Variants in LYRM4 observed in about 807,000 individuals in gnomAD.
LYRM4 encodes LYR motif containing 4.
In LYRM4, 9 loss-of-function variants were observed where a neutral mutation model predicts 11.7. The ratio of observed to expected loss-of-function variants is 0.77; its 90% CI spans 0.46 to 1.34. The LOEUF (loss-of-function observed/expected upper bound fraction) is 1.34, where lower values mean the gene tolerates loss of function less well. LYRM4 is among the 40% of genes most tolerant of loss of function. The pLI is 0.00. For missense variants in LYRM4, 133 were observed against 112.5 expected (o/e 1.18, Z -0.82); for synonymous variants, 42 against 40.4 (o/e 1.04, Z -0.15).
intron 2 of LYRM4, chr6:5,144,269 T>C: frequency 6.5e-7 from 1 of 1,537,008 alleles, no homozygotes; most frequent in Non-Finnish European, 8.7e-7. Context: ...CTACCTGCAC[T>C]GAGATACAGG....
At chr6:5,204,978 A>G (rs565428493) in intron 2 of LYRM4, among the ~76,000 whole-genome samples, 1 of 152,224 alleles carries the variant, frequency 6.6e-6, no homozygotes, top group African/African-American at 2.4e-5. Flanking sequence ...TTTCAGCGGA[A>G]CTCCCTACGT....
At chr6:5,188,096 C>A (rs1304050954) in intron 2 of LYRM4, among the ~76,000 whole-genome samples, 1 of 152,210 alleles carries the variant, frequency 6.6e-6, no homozygotes, top group Admixed American at 6.5e-5. Flanking sequence ...CACCTGTAAT[C>A]CCAACACTTT....
At chr6:5,133,778 A>C (rs1157031150) in intron 2 of LYRM4, among the ~76,000 whole-genome samples, 2 of 152,146 alleles carry the variant, frequency 1.3e-5, no homozygotes, top group Non-Finnish European at 2.9e-5. Context: ...CTGTTTTCTT[A>C]TTTTCCCAGC....
At chr6:5,044,111 G>A in the LYRM4 span, among the ~76,000 whole-genome samples, 1 of 78,576 alleles carries the variant, frequency 1.3e-5, no homozygotes, top group East Asian at 1.6e-3. Flanking sequence ...ACTTTTTTTT[G>A]TGGGGTTTTT....
the LYRM4 span, chr6:5,086,647 C>G: frequency 1.7e-6 from 2 of 1,166,754 alleles, no homozygotes; most frequent in South Asian, 3.2e-5. Flanking sequence ...TGCTGGGACG[C>G]TTTGCTGAGC....
chr6:5,091,089 G>T, the LYRM4 span, among the ~76,000 whole-genome samples: 4 of 152,202 alleles, frequency 2.6e-5, no homozygotes, highest in African/African-American at 9.7e-5. Context: ...GCTGTGACTT[G>T]TGGAAACTCA....
chr6:5,039,125 T>C, the LYRM4 span, among the ~76,000 whole-genome samples: 8 of 152,110 alleles, frequency 5.3e-5, no homozygotes, highest in African/African-American at 7.3e-5. Context: ...CATTTTTTTT[T>C]CATTAATCTA....
the LYRM4 span, among the ~76,000 whole-genome samples, chr6:5,054,914 C>G: frequency 1.3e-5 from 2 of 152,238 alleles, no homozygotes; most frequent in African/African-American, 2.4e-5. Flanking sequence ...TTGAAATGAC[C>G]CTGAAAACCT....
chr6:5,085,336 AACT>A, the LYRM4 span: 1 of 591,908 alleles, frequency 1.7e-6, no homozygotes, highest in East Asian at 3.2e-5. Flanking sequence ...TCCAAAGTGG[AACT>A]ACGTTGTCTT....
intron 2 of LYRM4, among the ~76,000 whole-genome samples, chr6:5,210,047 A>G (rs1761913635): frequency 6.6e-6 from 1 of 152,184 alleles, no homozygotes; most frequent in Non-Finnish European, 1.5e-5. Context: ...AAATAATTCA[A>G]TTTTCTGGGT....
At chr6:5,247,701 AC>A (rs1764255560) in intron 1 of LYRM4, among the ~76,000 whole-genome samples, 1 of 152,198 alleles carries the variant, frequency 6.6e-6, no homozygotes, top group Non-Finnish European at 1.5e-5. Flanking sequence ...AGGGTGGTAA[AC>A]CCTTTCAGAA....
intron 2 of LYRM4, among the ~76,000 whole-genome samples, chr6:5,164,640 G>A (rs1758963241): frequency 6.6e-6 from 1 of 152,066 alleles, no homozygotes; most frequent in South Asian, 2.1e-4. Flanking sequence ...CTTTGTTTAT[G>A]TGTATTCTGG....
intron 1 of LYRM4, among the ~76,000 whole-genome samples, chr6:5,233,090 G>A (rs955896641): frequency 2.0e-5 from 3 of 152,226 alleles, no homozygotes; most frequent in African/African-American, 7.2e-5. Flanking sequence ...CCAGCATTCA[G>A]TATGCAGAGG....
chr6:5,044,878 G>T, the LYRM4 span, among the ~76,000 whole-genome samples: 3 of 152,220 alleles, frequency 2.0e-5, no homozygotes, highest in Non-Finnish European at 4.4e-5. Context: ...CTACTCTACA[G>T]CCTGCCTGCC....
At chr6:5,080,737 A>C in the LYRM4 span, among the ~76,000 whole-genome samples, 5 of 152,156 alleles carry the variant, frequency 3.3e-5, no homozygotes, top group African/African-American at 1.2e-4. Flanking sequence ...ACAGGGTTTG[A>C]GTGTAACATT....
intron 1 of LYRM4, among the ~76,000 whole-genome samples, chr6:5,234,612 C>G (rs533979734): frequency 6.6e-6 from 1 of 152,002 alleles, no homozygotes; most frequent in Non-Finnish European, 1.5e-5. Flanking sequence ...CTTTCTGCAA[C>G]GGCAGGCTAA....
At chr6:5,205,984 A>G (rs747743364) in intron 2 of LYRM4, among the ~76,000 whole-genome samples, 6 of 152,216 alleles carry the variant, frequency 3.9e-5, no homozygotes, top group South Asian at 2.1e-4. Context: ...CCGCTGCTGG[A>G]GCCGACCGTG....
the LYRM4 span, chr6:5,086,898 A>C: frequency 5.8e-6 from 2 of 345,962 alleles, no homozygotes; most frequent in South Asian, 5.2e-5. Flanking sequence ...AAGGCTCCCA[A>C]CTCCCGGGCA....
At chr6:5,044,099 A>C in the LYRM4 span, among the ~76,000 whole-genome samples, 4 of 136,238 alleles carry the variant, frequency 2.9e-5, no homozygotes, top group Admixed American at 2.5e-4. Context: ...TTGTATTGAT[A>C]CACTTTTTTT....
Sources: allele counts gnomAD v4.1 joint callset (sites outside exome capture counted in the v4.1 genomes callset), GRCh38; gene constraint gnomAD v4.1.1; transcripts MANE v1.5; gene names NCBI Gene and HGNC (gene_info 2026-07-23, HGNC 2026-07-21).